NFATC3: variants seen among roughly 807,000 people sequenced by gnomAD.
NFATC3 encodes the protein nuclear factor of activated T-cells, cytoplasmic 3.
A neutral mutation model predicts 98.6 loss-of-function variants in NFATC3; 46 were observed. The ratio of observed to expected loss-of-function variants is 0.47; its 90% confidence interval spans 0.37 to 0.60. NFATC3 has a LOEUF of 0.60. NFATC3 is among the 20% of genes least tolerant of loss of function. The pLI is 0.00. For synonymous variants in NFATC3, 512 were observed against 472.2 expected (o/e 1.08, Z -1.09); for missense variants, 1,256 against 1,295.5 (o/e 0.97, Z 0.47).
At chr16:68,167,807 G>GTTTTTTTTTTTTTTTT (rs1263970399) in intron 5 of NFATC3, among the ~76,000 whole-genome samples, 2 of 23,588 alleles carry the variant, frequency 8.5e-5, no homozygotes, top group Non-Finnish European at 2.1e-4. Flanking sequence ...AACCGTATGT[G>GTTTTTTTTTTTTTTTT]TTCTTTTTTT....
At chr16:68,119,649 T>G (rs980232907) in intron 1 of NFATC3, among the ~76,000 whole-genome samples, 1 of 152,230 alleles carries the variant, frequency 6.6e-6, no homozygotes, top group Non-Finnish European at 1.5e-5. Flanking sequence ...AATATTCTTC[T>G]GCTATTTCCT....
At chr16:68,136,229 G>A (rs1347183507) in intron 3 of NFATC3, among the ~76,000 whole-genome samples, 1 of 152,020 alleles carries the variant, frequency 6.6e-6, no homozygotes, top group Non-Finnish European at 1.5e-5. Flanking sequence ...TTTTTGTAGT[G>A]TTTTGTAGTT....
intron 3 of NFATC3, among the ~76,000 whole-genome samples, chr16:68,133,632 C>T (rs1030443105): frequency 1.2e-4 from 18 of 152,096 alleles, no homozygotes; most frequent in Non-Finnish European, 2.2e-4. Context: ...CTTCTCAATT[C>T]TCATCATCAT....
Position 68,191,223 on chromosome 16 carries a change from A to T in NFATC3, c.2554A>T (p.Ile852Leu), listed in dbSNP as rs1378581810. ...TCTTGGCTGTCAACCACTGTCATCCATACCATTTCATTCTTCAAATTCAGG... is the reference window on the plus strand; with the variant it reads ...TCTTGGCTGTCAACCACTGTCATCCTTACCATTTCATTCTTCAAATTCAGG... The part of the protein sequence containing the change: ...VNLGCQPLSS[I>L]PFHSSNSGST... Residue 852 changes from isoleucine (I) to leucine (L), a missense_variant, in exon 9 of 10, where the codon ATA (isoleucine) becomes TTA (leucine). Physicochemically the swap from Ile to Leu is conservative, Grantham distance 5. This residue lies in a region of NFATC3 where 636 missense variants were observed against 617.3 expected (regional missense o/e 1.03). Coordinates refer to ENST00000346183, the MANE Select transcript of NFATC3 (RefSeq NM_173165.3). 6.2e-7 allele frequency: 1 copy of T among 1,614,220 alleles called. No individual in the cohort carries two copies. Among genetic ancestry groups the T allele is most frequent in the South Asian group, 1.1e-5 (1 of 91,088 alleles).
chr16:68,119,801 GA>G (rs1388859246), intron 1 of NFATC3, among the ~76,000 whole-genome samples: 15 of 152,078 alleles, frequency 9.9e-5, no homozygotes, highest in Non-Finnish European at 1.8e-4. Flanking sequence ...ATGAGGAGGG[GA>G]TTTTGTTTTG....
chr16:68,178,357 A>T (rs894276210), intron 6 of NFATC3, among the ~76,000 whole-genome samples: 6 of 152,158 alleles, frequency 3.9e-5, no homozygotes, highest in Admixed American at 2.0e-4. Context: ...TTTAAAATTA[A>T]CTTCCCTTCA....
rs151148926 is a variant in NFATC3, at chr16:68,190,018, G to A, written c.2099-750G>A. On this transcript the variant is annotated intron_variant, in intron 8 of 9. Transcript: ENST00000346183. ...TGCACGATGGCACTCCAGCCTGGCC[G>A]ACAGAGTGAGACCCTGTTTCCCAAA... Among the ~76,000 whole-genome samples, 703 of 152,308 alleles carry A rather than the reference G, an allele frequency of 4.6e-3. 8 individuals are homozygous for A. The highest frequency in any genetic ancestry group is 0.02 in the Middle Eastern group (6 of 294).
At chr16:68,181,018 C>T (rs1238903716) in intron 6 of NFATC3, among the ~76,000 whole-genome samples, 1 of 152,058 alleles carries the variant, frequency 6.6e-6, no homozygotes, top group Non-Finnish European at 1.5e-5. Flanking sequence ...GGGTATATAC[C>T]CAGCAATGGG....
At chr16:68,225,821 T>A (rs1437814172) in intron 9 of NFATC3, 2 of 152,176 alleles carry the variant, frequency 1.3e-5, no homozygotes, top group Non-Finnish European at 2.9e-5. Flanking sequence ...GCACTGTACC[T>A]CCCTGAGATG....
intron 1 of NFATC3, among the ~76,000 whole-genome samples, chr16:68,117,131 G>T (rs1195463511): frequency 6.6e-6 from 1 of 152,146 alleles, no homozygotes; most frequent in Admixed American, 6.5e-5. Flanking sequence ...GAAAATTTCT[G>T]TGAGTTAAAC....
At chr16:68,162,306 G>A (rs1249712253) in intron 4 of NFATC3, among the ~76,000 whole-genome samples, 4 of 152,212 alleles carry the variant, frequency 2.6e-5, no homozygotes, top group South Asian at 2.1e-4. Flanking sequence ...TGTTTACTCA[G>A]TAGCTAATTG....
chr16:68,128,886 TA>T (rs2036979705), intron 3 of NFATC3, among the ~76,000 whole-genome samples: 2 of 151,434 alleles, frequency 1.3e-5, no homozygotes. Context: ...GCTGGGATGC[TA>T]GGTGAGAGGA....
Position 68,122,213 on chromosome 16 carries a change from T to C in NFATC3, c.330T>C (p.Ser110=), listed in dbSNP as rs1157024202. ...GTCCCAAACCCTTTGAGTGCCCAAG[T>C]ATTCAAATTACATCTATCTCTCCTA... is the stretch of plus-strand genomic sequence containing the variant. ...LGGPKPFECP[S]IQITSISPNC... is the part of the protein sequence containing the mutation. The change falls in exon 2 of 10, where the codon AGT becomes AGC. Residue 110 remains serine (S), a synonymous_variant. Transcript: ENST00000346183. 6.2e-7 allele frequency: 1 copy of C among 1,614,008 alleles called. No individual in the cohort carries two copies. Among genetic ancestry groups the C allele is most frequent in the African/African-American group, 1.3e-5 (1 of 74,898 alleles).
At chr16:68,124,171 A>G (rs960141643) in intron 2 of NFATC3, among the ~76,000 whole-genome samples, 1 of 151,956 alleles carries the variant, frequency 6.6e-6, no homozygotes, top group African/African-American at 2.4e-5. Flanking sequence ...GGGTAATCAT[A>G]GCTCACTGCA....
intron 8 of NFATC3, among the ~76,000 whole-genome samples, chr16:68,186,198 G>A (rs536988315): frequency 6.6e-6 from 1 of 151,294 alleles, no homozygotes; most frequent in South Asian, 2.1e-4. Flanking sequence ...TTTTACAAAA[G>A]TCAGTACATT....
chr16:68,155,008 C>A (rs1252579683), intron 3 of NFATC3, among the ~76,000 whole-genome samples: 1 of 152,184 alleles, frequency 6.6e-6, no homozygotes, highest in Admixed American at 6.5e-5. Flanking sequence ...AAGGCTATTG[C>A]AATAGTCCAG....
chr16:68,177,862 A>G (rs1273736503), intron 6 of NFATC3, among the ~76,000 whole-genome samples: 4 of 152,132 alleles, frequency 2.6e-5, no homozygotes, highest in Non-Finnish European at 5.9e-5. Flanking sequence ...GTAGTATCAT[A>G]TGCTTTCATT....
At chr16:68,166,659 C>A (rs916869478) in intron 4 of NFATC3, among the ~76,000 whole-genome samples, 184 bp from the exon 5 acceptor site, 1 of 152,136 alleles carries the variant, frequency 6.6e-6, no homozygotes, top group Non-Finnish European at 1.5e-5. Flanking sequence ...GCACTTTTAT[C>A]GTACAAAAAT....
In NFATC3 at chr16:68,226,897, C is replaced by CAAAAAAAAAAAAAAAAAAAAAAAAAAGAA. The variant is rs1480964090; in HGVS notation, c.*434_*462dup. On this transcript the variant is annotated 3_prime_UTR_variant, in exon 10 of 10. Transcript: ENST00000346183. Reference sequence around the variant, plus strand: ...AACTTTTGATAAGACCTTCTAGAAGCAAAAAAAAAAAAAAAAAAAAAAAAA... The same window carrying CAAAAAAAAAAAAAAAAAAAAAAAAAAGAA: ...AACTTTTGATAAGACCTTCTAGAAGCAAAAAAAAAAAAAAAAAAAAAAAAAAGAAAAAAAAAAAAAAAAAAAAAAAAAAA... The CAAAAAAAAAAAAAAAAAAAAAAAAAAGAA allele has an allele frequency of 6.6e-5, 2 of 30,330 alleles. No homozygotes were observed. Among genetic ancestry groups the CAAAAAAAAAAAAAAAAAAAAAAAAAAGAA allele is most frequent in the East Asian group, 1.6e-3 (1 of 640 alleles). The allele number at this position is 30,330 out of a possible 1,614,324, so 1.9% of individuals were successfully genotyped here. A position where few individuals can be genotyped will look rare whatever the true frequency, so the allele number is the denominator to read the frequency against.
Sources: gnomAD v4.1 joint callset for allele counts (sites outside exome capture counted in the v4.1 genomes callset) on GRCh38, gnomAD v4.1.1 for gene constraint, gnomAD v4.1.1 regional missense constraint, MANE v1.5 for transcripts, NCBI Gene and HGNC (gene_info 2026-07-23, HGNC 2026-07-21) for gene names.